The following KIAA1217 variants were observed in gnomAD, a reference collection of about 807,000 sequenced individuals.
The protein encoded by KIAA1217 is KIAA1217, also known as sickle tail protein homolog.
Under a neutral mutation model 163.9 loss-of-function variants are expected in KIAA1217, and 88 were observed. The ratio of observed to expected loss-of-function variants is 0.54; its 90% CI spans 0.45 to 0.64. The LOEUF is 0.64. KIAA1217 is among the 30% of genes least tolerant of loss of function. The pLI is 0.00. For synonymous variants in KIAA1217, 903 were observed against 923.1 expected (o/e 0.98, Z 0.39); for missense variants, 2,372 against 2,475.0 (o/e 0.96, Z 0.88).
chr10:24,239,440 C>A, intron 2 of KIAA1217: 1 of 310,926 alleles, frequency 3.2e-6, no homozygotes, highest in Non-Finnish European at 4.7e-6. Flanking sequence ...AGAAGTGAAT[C>A]AATAAGCCCA....
At chr10:24,117,556 G>T (rs963200650) in intron 2 of KIAA1217, among the ~76,000 whole-genome samples, 1 of 152,082 alleles carries the variant, frequency 6.6e-6, no homozygotes, top group African/African-American at 2.4e-5. Flanking sequence ...GATCACTTGA[G>T]CCCAGGAGGT....
chr10:23,874,797 A>T (rs937379918), intron 1 of KIAA1217, among the ~76,000 whole-genome samples: 14 of 152,118 alleles, frequency 9.2e-5, no homozygotes, highest in African/African-American at 2.9e-4. Context: ...CACTATTACA[A>T]ATAATCATAC....
At chr10:24,266,469 G>A (rs1451462275) in intron 2 of KIAA1217, among the ~76,000 whole-genome samples, 1 of 152,190 alleles carries the variant, frequency 6.6e-6, no homozygotes, top group Non-Finnish European at 1.5e-5. Flanking sequence ...GCTGAGAGGT[G>A]AAGCCAGCTG....
At chr10:23,929,927 G>A (rs936293924) in intron 1 of KIAA1217, among the ~76,000 whole-genome samples, 1 of 152,182 alleles carries the variant, frequency 6.6e-6, no homozygotes, top group African/African-American at 2.4e-5. Context: ...CACTGATAGT[G>A]TATAAGCATT....
Position 23,789,085 on chromosome 10 carries a change from T to A in KIAA1217, c.-321+93851T>A, listed in dbSNP as rs184820788. Among the ~76,000 whole-genome samples, 5 of 152,356 alleles carry A rather than the reference T, an allele frequency of 3.3e-5. No individual in the cohort carries two copies. In the East Asian group the frequency reaches 9.6e-4, roughly 29 times the overall value. On this transcript the variant is annotated intron_variant, in intron 1 of 18. Transcript: ENST00000376462. Reference sequence around the variant, plus strand: ...AAAATTTGAGACCAAATGAGAAAACTTTGTCTTTTCTATTTCCGTTTCTCT... The same window carrying A: ...AAAATTTGAGACCAAATGAGAAAACATTGTCTTTTCTATTTCCGTTTCTCT...
chr10:23,975,455 A>C (rs1388527226), intron 1 of KIAA1217, among the ~76,000 whole-genome samples: 1 of 152,170 alleles, frequency 6.6e-6, no homozygotes, highest in Non-Finnish European at 1.5e-5. Flanking sequence ...AGAAACACCA[A>C]ATTTTCTTTG....
At chr10:24,249,320 T>C (rs1222300670) in intron 2 of KIAA1217, among the ~76,000 whole-genome samples, 2 of 152,130 alleles carry the variant, frequency 1.3e-5, no homozygotes, top group African/African-American at 4.8e-5. Flanking sequence ...TGAAAAATAG[T>C]AAGAAACAAC....
chr10:24,161,213 T>A (rs1564772801), intron 2 of KIAA1217, among the ~76,000 whole-genome samples: 1 of 152,182 alleles, frequency 6.6e-6, no homozygotes, highest in Non-Finnish European at 1.5e-5. Context: ...GGGAAACATG[T>A]TCTGGGAAAC....
upstream of KIAA1217, among the ~76,000 whole-genome samples, chr10:24,207,761 C>T (rs192307473): frequency 6.6e-6 from 1 of 152,296 alleles, no homozygotes; most frequent in Non-Finnish European, 1.5e-5. Context: ...CCTGGTATGT[C>T]TCCTTTCCTT....
chr10:24,050,387 A>G (rs375485049), intron 2 of KIAA1217, among the ~76,000 whole-genome samples: 4 of 152,308 alleles, frequency 2.6e-5, no homozygotes, highest in African/African-American at 9.6e-5. Flanking sequence ...GCCCATGCCT[A>G]TGTCCTGAAT....
intron 2 of KIAA1217, chr10:24,157,838 G>A (rs963263194): frequency 1.4e-4 from 71 of 513,402 alleles, no homozygotes; most frequent in Non-Finnish European, 2.2e-4. Flanking sequence ...TGATGCAATG[G>A]CAGCCTTTGC....
chr10:24,244,023 G>A (rs1427509159), intron 2 of KIAA1217, among the ~76,000 whole-genome samples: 4 of 152,124 alleles, frequency 2.6e-5, no homozygotes, highest in African/African-American at 4.8e-5. Flanking sequence ...GCCTGGATTC[G>A]GATCCTGCCT....
chr10:24,374,074 A>G (rs2052098858), intron 2 of KIAA1217, among the ~76,000 whole-genome samples: 2 of 152,214 alleles, frequency 1.3e-5, no homozygotes, highest in Admixed American at 1.3e-4. Flanking sequence ...AAAAGGGAGA[A>G]AAGTGTTGAA....
chr10:23,980,447 A>G (rs755139061), intron 1 of KIAA1217, among the ~76,000 whole-genome samples: 7 of 152,182 alleles, frequency 4.6e-5, no homozygotes, highest in Non-Finnish European at 8.8e-5. Flanking sequence ...TTCTACATGT[A>G]GGGTTTCACT....
rs1005143080 is a variant in KIAA1217, at chr10:23,705,169, A to G, written c.-321+9935A>G. 2.6e-5 allele frequency among the ~76,000 whole-genome samples: 4 copies of G among 152,036 alleles called. No homozygotes were observed. In the East Asian group the frequency reaches 7.7e-4, roughly 29 times the overall value. ...CTTTTTATTATTGAGTGAGTTGTTA[A>G]GTGTTCTTTATTTTAGGTACAAGTT... On this transcript the variant is annotated intron_variant, in intron 1 of 18. Transcript: ENST00000376462.
At chr10:23,706,509 T>G (rs1232341235) in intron 1 of KIAA1217, among the ~76,000 whole-genome samples, 1 of 152,180 alleles carries the variant, frequency 6.6e-6, no homozygotes, top group East Asian at 1.9e-4. Flanking sequence ...GAAATGCTTT[T>G]TCTGTATCCA....
At chr10:23,991,112 C>T (rs1002449937) in intron 1 of KIAA1217, among the ~76,000 whole-genome samples, 1 of 152,192 alleles carries the variant, frequency 6.6e-6, no homozygotes, top group Non-Finnish European at 1.5e-5. Context: ...AATTCTGCAT[C>T]CATGTTGATT....
rs543693011 is a variant in KIAA1217, at chr10:24,053,961, G to A, written c.-171+46587G>A. Reference sequence around the variant, plus strand: ...CCTGTGTGGCTGGTGAGGGAAACATGGAGAGAGGAAGAGACTGAAATAATT... The same window carrying A: ...CCTGTGTGGCTGGTGAGGGAAACATAGAGAGAGGAAGAGACTGAAATAATT... On this transcript the variant is annotated intron_variant, in intron 2 of 18. Coordinates refer to the KIAA1217 transcript ENST00000376462. Among the ~76,000 whole-genome samples the A allele has an allele frequency of 2.6e-3, 402 of 152,226 alleles. 1 individual carries two copies. Among genetic ancestry groups the A allele is most frequent in the African/African-American group, 8.6e-3 (356 of 41,524 alleles).
chr10:24,535,295 C>A (rs61854201), intron 16 of KIAA1217, among the ~76,000 whole-genome samples: 7,325 of 152,220 alleles, frequency 0.048, 261 homozygotes, highest in Middle Eastern at 0.096. Context: ...GACAGGGGAG[C>A]AAACAGTCAT....
Sources: gnomAD v4.1 joint callset for allele counts (sites outside exome capture counted in the v4.1 genomes callset) on GRCh38, gnomAD v4.1.1 for gene constraint, MANE v1.5 for transcripts, NCBI Gene and HGNC (gene_info 2026-07-23, HGNC 2026-07-21) for gene names.